SYNE2: variants seen among roughly 807,000 people sequenced by gnomAD.
SYNE2 encodes spectrin repeat containing nuclear envelope protein 2, also known as nesprin-2.
SYNE2 carries 431 observed loss-of-function variants against 856.3 expected under a neutral mutation model. The ratio of observed to expected loss-of-function variants is 0.50; its 90% confidence interval spans 0.47 to 0.55. The LOEUF (loss-of-function observed/expected upper bound fraction) is 0.55, where lower values mean the gene tolerates loss of function less well. Among genes scored for constraint, SYNE2 ranks in the 20% least tolerant of loss-of-function variants. The pLI is 0.00. For missense variants in SYNE2, 8,129 were observed against 8,023.2 expected, an observed-to-expected ratio of 1.01 and a Z score of -0.50; for synonymous variants, 2,923 against 2,872.3, an observed-to-expected ratio of 1.02 and a Z score of -0.56.
Position 64,024,407 on chromosome 14 carries a change from A to G in SYNE2, c.5788A>G (p.Ile1930Val), listed in dbSNP as rs925970609. 3 of 1,614,164 alleles carry G rather than the reference A, an allele frequency of 1.9e-6. No individual in the cohort carries two copies. Among genetic ancestry groups the G allele is most frequent in the East Asian group, 2.2e-5 (1 of 44,892 alleles). ...ATTCGAATTAGAAAAAATGGAGTCC[A>G]TATGCCAGGCTCGAGCAAAGGAGCT... ...QEFELEKMES[I>V]CQARAKELED... The change falls in exon 39 of 116, where the codon ATA becomes GTA. Residue 1930 changes from isoleucine (I) to valine (V), a missense_variant. Coordinates refer to ENST00000555002, the MANE Select transcript of SYNE2 (RefSeq NM_182914.3).
At chr14:64,070,995 C>A in intron 52 of SYNE2, 85 bp downstream of exon 52, 1 of 1,369,116 alleles carries the variant, frequency 7.3e-7, no homozygotes. Context: ...AGAATAATGG[C>A]AAATGATACA....
Position 63,981,270 on chromosome 14 carries a change from G to A in SYNE2, c.1836+97G>A, listed in dbSNP as rs1566965556. The A allele has an allele frequency of 5.5e-6, 6 of 1,082,142 alleles. No individual in the cohort carries two copies. In the East Asian group the frequency reaches 1.4e-4, roughly 26 times the overall value. 67.0% of individuals were successfully genotyped at this position (1,082,142 alleles called of 1,614,324 possible). A position where few individuals can be genotyped will look rare whatever the true frequency, so the allele number is the denominator to read the frequency against. On this transcript the variant is annotated intron_variant, in intron 16 of 115. Transcript: ENST00000555002. ...TCCAAAGATGAGAAAACAGAGAAGA[G>A]TACACCAGTGTTTTGGAAAATTCTT... is the stretch of plus-strand genomic sequence containing the variant.
At chr14:64,142,112 G>C in intron 82 of SYNE2, 24 bp downstream of exon 82, 1 of 1,613,724 alleles carries the variant, frequency 6.2e-7, no homozygotes, top group Admixed American at 1.7e-5. Flanking sequence ...AGGAGCAGAA[G>C]TCTTTTCATT....
chr14:63,993,218 CCTTT>C (rs753271953), intron 21 of SYNE2, among the ~76,000 whole-genome samples: 63 of 152,226 alleles, frequency 4.1e-4, no homozygotes, highest in Non-Finnish European at 7.1e-4. Flanking sequence ...CGATAGTTAA[CCTTT>C]CTATAAATTT....
At chr14:64,213,030 G>C in intron 105 of SYNE2, 25 bp downstream of exon 105, 3 of 1,611,936 alleles carry the variant, frequency 1.9e-6, no homozygotes, top group Non-Finnish European at 1.7e-6. Context: ...GCCTAGAAAT[G>C]GCACCTGGGC....
At position 64,171,999 on chromosome 14, in the gene SYNE2, C is replaced by T. The variant is rs566720283; in HGVS notation, c.17235+1537C>T. ...CCAAGTAGCTGGGATTACAGGCGCC[C>T]GCCACCATGCCCAGCTAATTTTTGT... On this transcript the variant is annotated intron_variant, in intron 94 of 115. Coordinates refer to ENST00000555002, the MANE Select transcript of SYNE2 (RefSeq NM_182914.3). Among the ~76,000 whole-genome samples the T allele has an allele frequency of 1.9e-4, 29 of 152,138 alleles. 1 individual carries two copies. Among genetic ancestry groups the T allele is most frequent in the African/African-American group, 4.3e-4 (18 of 41,498 alleles).
At chr14:63,777,444 A>T (rs995329365) in intron 1 of SYNE2, among the ~76,000 whole-genome samples, 1 of 152,130 alleles carries the variant, frequency 6.6e-6, no homozygotes, top group African/African-American at 2.4e-5. Flanking sequence ...CTGAGGTGGG[A>T]GGATTGCTTG....
chr14:63,806,715 A>T (rs1383812642), intron 1 of SYNE2, among the ~76,000 whole-genome samples: 1 of 151,982 alleles, frequency 6.6e-6, no homozygotes, highest in Non-Finnish European at 1.5e-5. Context: ...TTCTTTTTTT[A>T]AAATTTAACA....
At chr14:63,847,661 C>T (rs1890273207) in intron 1 of SYNE2, among the ~76,000 whole-genome samples, 1 of 150,822 alleles carries the variant, frequency 6.6e-6, no homozygotes, top group South Asian at 2.1e-4. Flanking sequence ...TCTCGGCTCA[C>T]AGCAACCTCT....
chr14:64,209,923 C>T lies in SYNE2; in HGVS notation c.18541-19C>T, dbSNP rs775801622. ...GGCACTCTGCATGCTTTGGCTCTGA[C>T]CCCTCCCATGTGATGCAGGCCTTTC... On this transcript the variant is annotated intron_variant, in intron 102 of 115. Transcript: ENST00000555002. 18 of 1,613,908 alleles carry T rather than the reference C, an allele frequency of 1.1e-5. No homozygotes were observed. The highest frequency in any genetic ancestry group is 2.2e-5 in the South Asian group (2 of 91,084).
At chr14:63,811,697 A>G (rs1375581993) in intron 1 of SYNE2, among the ~76,000 whole-genome samples, 1 of 152,204 alleles carries the variant, frequency 6.6e-6, no homozygotes, top group Non-Finnish European at 1.5e-5. Context: ...AGAAAAAGAA[A>G]GAGTACAAAG....
chr14:63,818,933 C>T (rs183111166), intron 1 of SYNE2, among the ~76,000 whole-genome samples: 12 of 151,848 alleles, frequency 7.9e-5, no homozygotes, highest in South Asian at 2.1e-4. Flanking sequence ...CTCCTGACTT[C>T]GTGATCCGCC....
At position 64,113,527 on chromosome 14, in the gene SYNE2, G is replaced by A. The variant is rs1316995826; in HGVS notation, c.12796G>A (p.Ala4266Thr). Reference protein sequence around the residue: ...NVAVEPETLNADMQQVLEQQL... With the variant: ...NVAVEPETLNTDMQQVLEQQL... ...GGCAGTTGAGCCGGAAACATTAAAC[G>A]CAGACATGCAGCAGGTGCTGGAACA... Residue 4266 changes from alanine (A) to threonine (T), a missense_variant, in exon 66 of 116, where the codon GCA (alanine) becomes ACA (threonine). This residue lies in a region of SYNE2 where 5,410 missense variants were observed against 5,284.8 expected (regional missense o/e 1.02). Coordinates refer to ENST00000555002, the MANE Select transcript of SYNE2 (RefSeq NM_182914.3). The A allele has an allele frequency of 3.7e-6, 6 of 1,613,252 alleles. No homozygotes were observed. The highest frequency in any genetic ancestry group is 1.7e-5 in the Admixed American group (1 of 59,918).
At chr14:63,770,070 C>A (rs1196591986) in intron 1 of SYNE2, among the ~76,000 whole-genome samples, 1 of 152,000 alleles carries the variant, frequency 6.6e-6, no homozygotes, top group Non-Finnish European at 1.5e-5. Context: ...TGCCATCATG[C>A]CTGGCTAATT....
At chr14:63,837,365 A>T (rs1407156869) in intron 1 of SYNE2, among the ~76,000 whole-genome samples, 1 of 152,220 alleles carries the variant, frequency 6.6e-6, no homozygotes, top group East Asian at 1.9e-4. Flanking sequence ...CTATGTGTAT[A>T]TCTTTGTGAC....
chr14:64,031,211 A>G lies in SYNE2; in HGVS notation c.7075A>G (p.Ser2359Gly), dbSNP rs7157465. The G allele has an allele frequency of 8.8e-3, 14,142 of 1,614,154 alleles. 752 individuals carry two copies. In the African/African-American group the frequency reaches 0.13, roughly 15 times the overall value. The change falls in exon 45 of 116, where the codon AGC becomes GGC. Residue 2359 changes from serine to glycine, a missense_variant. Physicochemically the swap from Ser to Gly is moderately conservative, Grantham distance 56. This residue lies in a region of SYNE2 where 297 missense variants were observed against 380.9 expected (regional missense o/e 0.78). Coordinates refer to ENST00000555002, the MANE Select transcript of SYNE2 (RefSeq NM_182914.3). The stretch of plus-strand genomic sequence containing the variant: ...GCAGGAGATGGAATGTTGTCTCAAC[A>G]GCATTCTCAAATCAAAACGCTCAAC... The part of the protein sequence containing the change: ...AKQEMECCLN[S>G]ILKSKRSTEK...
At chr14:64,146,993 C>T (rs967990350) in intron 84 of SYNE2, among the ~76,000 whole-genome samples, 1 of 152,232 alleles carries the variant, frequency 6.6e-6, no homozygotes, top group Non-Finnish European at 1.5e-5. Context: ...TTTTCACCTG[C>T]TCGTATACTG....
chr14:64,006,232 A>G (rs1039412574), intron 30 of SYNE2, among the ~76,000 whole-genome samples: 1 of 152,214 alleles, frequency 6.6e-6, no homozygotes, highest in African/African-American at 2.4e-5. Context: ...TTATCCTTAA[A>G]TAACTCCTTT....
chr14:63,781,855 T>A (rs1046734416), intron 1 of SYNE2, among the ~76,000 whole-genome samples: 25 of 151,978 alleles, frequency 1.6e-4, no homozygotes, highest in African/African-American at 6.0e-4. Flanking sequence ...GGAAAAGTGT[T>A]TAAAAGGTCA....
Sources: gnomAD v4.1 joint callset for allele counts (sites outside exome capture counted in the v4.1 genomes callset) on GRCh38, gnomAD v4.1.1 for gene constraint, gnomAD v4.1.1 regional missense constraint, MANE v1.5 for transcripts, NCBI Gene and HGNC (gene_info 2026-07-23, HGNC 2026-07-21) for gene names.